Variants in PHLPP2 observed in about 807,000 individuals in gnomAD.
PHLPP2 encodes PH domain leucine-rich repeat-containing protein phosphatase 2.
A neutral mutation model predicts 124.9 loss-of-function variants in PHLPP2; 66 were observed. The observed-to-expected ratio is 0.53, with a 90% confidence interval of 0.43 to 0.65. The LOEUF is 0.65. PHLPP2 is among the 30% of genes least tolerant of loss of function. PHLPP2 has a pLI of 0.00. For synonymous variants in PHLPP2, 681 were observed against 624.7 expected (o/e 1.09, Z -1.34); for missense variants, 1,685 against 1,600.4 (o/e 1.05, Z -0.90).
At chr16:71,665,894 C>CT (rs1454417577) in intron 12 of PHLPP2, among the ~76,000 whole-genome samples, 2 of 152,198 alleles carry the variant, frequency 1.3e-5, no homozygotes, top group Non-Finnish European at 2.9e-5. Context: ...ATTTTGAAGA[C>CT]TATCCAATCA....
chr16:71,669,473 G>A (rs1481288418), intron 10 of PHLPP2, 103 bp from the exon 11 acceptor site: 3 of 784,390 alleles, frequency 3.8e-6, no homozygotes, highest in Non-Finnish European at 6.4e-6. Flanking sequence ...GCCCTTGAGG[G>A]CAGGAACACT....
intron 4 of PHLPP2, among the ~76,000 whole-genome samples, chr16:71,686,939 T>C (rs1188809339): frequency 1.3e-5 from 2 of 152,214 alleles, no homozygotes; most frequent in East Asian, 3.8e-4. Context: ...TTCATTTCTT[T>C]TGGATAAAAA....
chr16:71,690,034 C>G (rs747575773), intron 4 of PHLPP2, among the ~76,000 whole-genome samples: 5 of 152,110 alleles, frequency 3.3e-5, no homozygotes, highest in Non-Finnish European at 7.4e-5. Context: ...ATTTGTCATT[C>G]ATTCTGTTTG....
At chr16:71,666,682 T>G (rs984010237) in intron 12 of PHLPP2, among the ~76,000 whole-genome samples, 2 of 152,234 alleles carry the variant, frequency 1.3e-5, no homozygotes, top group Non-Finnish European at 1.5e-5. Context: ...TGACACCTTC[T>G]GGAAGGACAT....
Position 71,714,783 on chromosome 16 carries a change from C to T in PHLPP2, c.13G>A (p.Gly5Arg), listed in dbSNP as rs2045349280. The T allele has an allele frequency of 1.9e-6, 3 of 1,611,260 alleles. No individual in the cohort carries two copies. The highest frequency in any genetic ancestry group is 2.5e-6 in the Non-Finnish European group (3 of 1,178,608). ...CTCCTATTCAAACAATTTCTGCTCC[C>T]ATTGCGTTTCATATTTCTCTAAAAA... MKRN[G>R]SRNCLNRRSR... Residue 5 changes from glycine to arginine, a missense_variant, in exon 2 of 19, where the codon GGG (glycine) becomes AGG (arginine). Gly to Arg is a moderately radical substitution (Grantham distance 125). Coordinates refer to ENST00000568954, the MANE Select transcript of PHLPP2 (RefSeq NM_015020.3).
chr16:71,723,003 C>T (rs962399434), intron 1 of PHLPP2, among the ~76,000 whole-genome samples: 1 of 152,250 alleles, frequency 6.6e-6, no homozygotes, highest in Admixed American at 6.5e-5. Flanking sequence ...CCTCCCACTC[C>T]CCCAATTCCT....
At chr16:71,702,062 G>A (rs16973435) in intron 3 of PHLPP2, among the ~76,000 whole-genome samples, 2 of 152,090 alleles carry the variant, frequency 1.3e-5, no homozygotes, top group Admixed American at 6.6e-5. Context: ...GCATGTTACT[G>A]TTCCAAGTTT....
chr16:71,687,183 T>C (rs1253396043), intron 4 of PHLPP2, among the ~76,000 whole-genome samples: 1 of 152,222 alleles, frequency 6.6e-6, no homozygotes, highest in Non-Finnish European at 1.5e-5. Flanking sequence ...TTGAAGATCT[T>C]TTCATGTGTT....
At chr16:71,694,655 A>G (rs1449398783) in intron 3 of PHLPP2, among the ~76,000 whole-genome samples, 1 of 152,206 alleles carries the variant, frequency 6.6e-6, no homozygotes, top group African/African-American at 2.4e-5. Flanking sequence ...AAAGAGAAAC[A>G]GAAACATGTA....
chr16:71,676,890 A>T, intron 8 of PHLPP2: 1 of 457,846 alleles, frequency 2.2e-6, no homozygotes, highest in South Asian at 2.2e-5. Context: ...CTGGGATTAG[A>T]ATCACCCCCA....
At chr16:71,718,302 G>A (rs113934295) in intron 1 of PHLPP2, among the ~76,000 whole-genome samples, 6,731 of 152,156 alleles carry the variant, frequency 0.044, 478 homozygotes, top group African/African-American at 0.15. Context: ...ATATGCGGTC[G>A]GGCGCAGTGG....
At chr16:71,723,725 C>G (rs1050182466) in intron 1 of PHLPP2, 18 of 982,160 alleles carry the variant, frequency 1.8e-5, no homozygotes, top group Non-Finnish European at 2.5e-5. Context: ...GTCCGCTTGC[C>G]CGCTCGCCCG....
intron 8 of PHLPP2, chr16:71,677,972 T>C (rs893786102): frequency 6.6e-6 from 1 of 152,064 alleles, no homozygotes; most frequent in Non-Finnish European, 1.5e-5. Flanking sequence ...AGACTGATGA[T>C]AAATAAAAAG....
chr16:71,682,507 C>T (rs1179304138), intron 5 of PHLPP2, among the ~76,000 whole-genome samples: 2 of 151,878 alleles, frequency 1.3e-5, no homozygotes, highest in Non-Finnish European at 2.9e-5. Context: ...TAAGATGATT[C>T]GAAATAAATG....
intron 5 of PHLPP2, among the ~76,000 whole-genome samples, chr16:71,682,783 A>G (rs990847338): frequency 1.3e-5 from 2 of 152,228 alleles, no homozygotes; most frequent in African/African-American, 4.8e-5. Flanking sequence ...AAAATAGTCA[A>G]TAAAATCAAA....
At chr16:71,723,945 T>TGGCCCCGCCCCCCGC (rs1284168880) in intron 1 of PHLPP2, 16 of 423,150 alleles carry the variant, frequency 3.8e-5, no homozygotes, top group Non-Finnish European at 4.9e-5. Flanking sequence ...GAGCAACCGG[T>TGGCCCCGCCCCCCGC]GGCCCCGCCC....
At position 71,652,895 on chromosome 16, in the gene PHLPP2, G is replaced by A; in HGVS notation, c.2712C>T (p.Val904=). The change falls in exon 18 of 19, where the codon GTC becomes GTT. Residue 904 remains valine, a synonymous_variant. Transcript: ENST00000568954. ...TVANVGTCQA[V]LCRGGKPVPL... is the part of the protein sequence containing the mutation. ...GCACTGGCTTCCCACCTCGGCACAG[G>A]ACTGCTTGGCACGTGCCAACATTGG... The A allele has an allele frequency of 6.2e-7, 1 of 1,614,136 alleles. No homozygotes were observed. Among genetic ancestry groups the A allele is most frequent in the Non-Finnish European group, 8.5e-7 (1 of 1,180,014 alleles).
At chr16:71,723,957 C>A (rs1252377984) in intron 1 of PHLPP2, 1 of 330,194 alleles carries the variant, frequency 3.0e-6, no homozygotes, top group African/African-American at 2.2e-5. Flanking sequence ...GCCCCGCCCC[C>A]CGCGGCCCGC....
chr16:71,721,144 GCAA>G (rs1299560010), intron 1 of PHLPP2, among the ~76,000 whole-genome samples: 6 of 150,118 alleles, frequency 4.0e-5, no homozygotes, highest in African/African-American at 1.2e-4. Context: ...GCCAGCCTAG[GCAA>G]CAAGGTAAGA....
Sources: gnomAD v4.1 joint callset for allele counts (sites outside exome capture counted in the v4.1 genomes callset) on GRCh38, gnomAD v4.1.1 for gene constraint, MANE v1.5 for transcripts, NCBI Gene and HGNC (gene_info 2026-07-23, HGNC 2026-07-21) for gene names.